The following MROH2B variants were observed in gnomAD, a reference collection of about 807,000 sequenced individuals.
The protein encoded by MROH2B is maestro heat-like repeat-containing protein family member 2B.
In MROH2B, 177 loss-of-function variants were observed where a neutral mutation model predicts 208.6. That is an observed-to-expected ratio of 0.85 (90% CI 0.75 to 0.96). The LOEUF (loss-of-function observed/expected upper bound fraction) is 0.96, where lower values mean the gene tolerates loss of function less well. Among genes scored for constraint, MROH2B ranks in the 40% least tolerant of loss-of-function variants. MROH2B has a pLI of 0.00. For missense variants in MROH2B, 2,002 were observed against 1,878.7 expected, an observed-to-expected ratio of 1.07 and a Z score of -1.21; for synonymous variants, 728 against 659.0, an observed-to-expected ratio of 1.10 and a Z score of -1.60.
intron 24 of MROH2B, among the ~76,000 whole-genome samples, chr5:41,019,689 C>T (rs1195862678): frequency 6.6e-6 from 1 of 152,142 alleles, no homozygotes; most frequent in Non-Finnish European, 1.5e-5. Flanking sequence ...TAGTCAGCTA[C>T]CAAATTAGCA....
intron 24 of MROH2B, among the ~76,000 whole-genome samples, chr5:41,029,308 TA>T (rs1399356690): frequency 6.6e-6 from 1 of 152,210 alleles, no homozygotes; most frequent in Non-Finnish European, 1.5e-5. Flanking sequence ...TGTCCATTTT[TA>T]AATCAGGTTA....
chr5:41,019,201 T>G (rs1037093189), intron 24 of MROH2B, among the ~76,000 whole-genome samples, 183 bp from the exon 25 acceptor site: 3 of 152,190 alleles, frequency 2.0e-5, no homozygotes, highest in Non-Finnish European at 4.4e-5. Context: ...AGAATCAGAC[T>G]GCATTGGTGA....
intron 15 of MROH2B, 145 bp from the exon 16 acceptor site, chr5:41,048,610 T>C (rs1743194935): frequency 2.0e-6 from 2 of 1,012,618 alleles, no homozygotes; most frequent in Non-Finnish European, 2.7e-6. Context: ...TTCTTATTTA[T>C]TCTAGAATGA....
rs138114104 is a variant in MROH2B at position 41,052,039 on chromosome 5, A to T, written c.1230+426T>A. Among the ~76,000 whole-genome samples the T allele has an allele frequency of 9.2e-5, 14 of 152,258 alleles. No homozygotes were observed. The East Asian group carries it at 2.7e-3, about 29-fold the overall frequency. On this transcript the variant is annotated intron_variant, in intron 12 of 41. Transcript: ENST00000399564. ...TATTTTGCTATAGCAGCCTGAATGA[A>T]CTAAGACACCGTTGCAGCAAGAATT...
intron 6 of MROH2B, among the ~76,000 whole-genome samples, chr5:41,058,865 G>A (rs1163876899): frequency 6.6e-6 from 1 of 151,336 alleles, no homozygotes; most frequent in Non-Finnish European, 1.5e-5. Context: ...TGACCAACAT[G>A]GTGAAATCCC....
chr5:41,007,763 C>G (rs1010249561), intron 33 of MROH2B, among the ~76,000 whole-genome samples: 3 of 152,206 alleles, frequency 2.0e-5, no homozygotes, highest in Admixed American at 2.0e-4. Context: ...TCTCTGAAAT[C>G]AGGATGCATC....
chr5:41,016,084 C>G (rs532203000), intron 28 of MROH2B, among the ~76,000 whole-genome samples: 59 of 152,308 alleles, frequency 3.9e-4, no homozygotes, highest in African/African-American at 1.4e-3. Flanking sequence ...CAGTGGGACA[C>G]ACGTGGACTT....
At chr5:41,043,367 G>A (rs73750229) in intron 18 of MROH2B, among the ~76,000 whole-genome samples, 2,516 of 152,230 alleles carry the variant, frequency 0.017, 70 homozygotes, top group African/African-American at 0.057. Context: ...AGAAAACTGT[G>A]TACAATACAG....
intron 18 of MROH2B, among the ~76,000 whole-genome samples, chr5:41,043,208 G>A (rs1410022079): frequency 6.6e-6 from 1 of 152,158 alleles, no homozygotes; most frequent in Non-Finnish European, 1.5e-5. Flanking sequence ...TGAGAGGGGG[G>A]CATAAAGTTA....
chr5:41,012,857 A>T lies in MROH2B; in HGVS notation c.2983-122T>A, dbSNP rs1224552470. 4.1e-6 allele frequency: 5 copies of T among 1,216,648 alleles called. No homozygotes were observed. In the Admixed American group the frequency reaches 9.1e-5, roughly 22 times the overall value. 75.4% of individuals were successfully genotyped at this position (1,216,648 alleles called of 1,614,324 possible). On this transcript the variant is annotated intron_variant, in intron 29 of 41. Coordinates refer to ENST00000399564, the MANE Select transcript of MROH2B (RefSeq NM_173489.5). ...ACCACTGAACTTTTCAACAGTTTTG[A>T]TTGAGGCCACAGAAACTAGAGAAAA...
chr5:41,057,036 C>T (rs1307700857), intron 9 of MROH2B, 73 bp downstream of exon 9: 34 of 1,431,702 alleles, frequency 2.4e-5, no homozygotes, highest in Non-Finnish European at 3.3e-5. Context: ...TGACAGTTTG[C>T]CCTCCTTTTA....
intron 28 of MROH2B, among the ~76,000 whole-genome samples, chr5:41,017,240 G>A (rs1741985604): frequency 6.6e-6 from 1 of 152,186 alleles, no homozygotes; most frequent in African/African-American, 2.4e-5. Flanking sequence ...GTTGGTTTCA[G>A]CCTGAGACGG....
At chr5:41,028,123 G>T (rs1198496807) in intron 24 of MROH2B, among the ~76,000 whole-genome samples, 1 of 152,142 alleles carries the variant, frequency 6.6e-6, no homozygotes, top group East Asian at 1.9e-4. Context: ...ACCAACATGG[G>T]ATATGTATAC....
intron 18 of MROH2B, 117 bp downstream of exon 18, chr5:41,045,629 T>C (rs1579944723): frequency 1.6e-4 from 2 of 12,846 alleles, no homozygotes; most frequent in Non-Finnish European, 7.4e-4. Flanking sequence ...GAGGGAACTC[T>C]TTTTTTTTTT....
chr5:41,013,785 G>A (rs1184374606), intron 29 of MROH2B, among the ~76,000 whole-genome samples: 1 of 152,042 alleles, frequency 6.6e-6, no homozygotes, highest in South Asian at 2.1e-4. Context: ...ATTATGTGTC[G>A]GGCACCTTTT....
intron 35 of MROH2B, 106 bp downstream of exon 35, chr5:41,005,425 C>CGCCT (rs58129703): frequency 4.6e-6 from 1 of 215,380 alleles, no homozygotes; most frequent in Non-Finnish European, 9.3e-6. Context: ...CCCCCCCCCC[C>CGCCT]TTGAAGTCTC....
At chr5:40,999,111 T>C (rs192425285) in intron 40 of MROH2B, among the ~76,000 whole-genome samples, 1 of 152,330 alleles carries the variant, frequency 6.6e-6, no homozygotes, top group Non-Finnish European at 1.5e-5. Context: ...TGGAACAGGC[T>C]TCAAAGTAAG....
intron 29 of MROH2B, among the ~76,000 whole-genome samples, chr5:41,014,574 C>A (rs939299360): frequency 3.9e-5 from 6 of 152,074 alleles, no homozygotes; most frequent in Non-Finnish European, 8.8e-5. Context: ...TACCCTAGAA[C>A]TTAAAATATA....
At chr5:41,021,618 C>G (rs575804149) in intron 24 of MROH2B, among the ~76,000 whole-genome samples, 10 of 152,268 alleles carry the variant, frequency 6.6e-5, no homozygotes, top group African/African-American at 1.4e-4. Flanking sequence ...TGGTGCGAAC[C>G]TGTAATCCCA....
Sources: gnomAD v4.1 joint callset for allele counts (sites outside exome capture counted in the v4.1 genomes callset) on GRCh38, gnomAD v4.1.1 for gene constraint, MANE v1.5 for transcripts, NCBI Gene and HGNC (gene_info 2026-07-23, HGNC 2026-07-21) for gene names.